Variants in OGG1 observed in about 807,000 individuals in gnomAD.
OGG1 encodes the protein 8-oxoguanine DNA glycosylase, also known as N-glycosylase/DNA lyase.
Under a neutral mutation model 42.3 loss-of-function variants are expected in OGG1, and 35 were observed. The observed-to-expected ratio is 0.83, with a 90% CI of 0.63 to 1.10. The LOEUF (loss-of-function observed/expected upper bound fraction) is 1.10. Among genes scored for constraint, OGG1 ranks in the 50% least tolerant of loss-of-function variants. The probability of loss-of-function intolerance (pLI) is 0.00; values close to 1 mark genes in which losing one functional copy is unlikely to be tolerated. For missense variants in OGG1, 484 were observed against 446.7 expected (o/e 1.08, Z -0.75); for synonymous variants, 189 against 179.0 (o/e 1.06, Z -0.44).
At chr3:9,767,683 G>T (rs771056998), downstream of OGG1, 11 of 1,613,964 alleles carry the variant, frequency 6.8e-6, no homozygotes, top group African/African-American at 1.3e-4. Context: ...AGAACATCTC[G>T]GAAGTCGTAG....
Position 9,756,756 on chromosome 3 carries a change from T to C in OGG1, c.899-11T>C, listed in dbSNP as rs2077583409. On this transcript the variant is annotated splice_polypyrimidine_tract_variant and intron_variant, in intron 5 of 6. Coordinates refer to ENST00000344629, the MANE Select transcript of OGG1 (RefSeq NM_002542.6). ...GGGTCAGATAACTTAGTCTCATCACTTCTGATTTAGGAAACTTTTTCCGGA... is the reference window on the plus strand; with the variant it reads ...GGGTCAGATAACTTAGTCTCATCACCTCTGATTTAGGAAACTTTTTCCGGA... 6.2e-7 allele frequency: 1 copy of C among 1,614,156 alleles called. No individual in the cohort carries two copies. Among genetic ancestry groups the C allele is most frequent in the East Asian group, 2.2e-5 (1 of 44,886 alleles).
intron 3 of OGG1, chr3:9,787,497 C>CGAAAAAAAAA: frequency 1.8e-6 from 2 of 1,130,298 alleles, no homozygotes; most frequent in African/African-American, 3.1e-5. Context: ...GAAGATAAAA[C>CGAAAAAAAAA]CTGTACTTCA....
chr3:9,754,807 C>A lies in OGG1; in HGVS notation c.669C>A (p.Ala223=). ...RAILEEQGGL[A]WLQQLRESSY... is the part of the protein sequence containing the mutation. ...TCCTGGAAGAACAGGGCGGGCTAGC[C>A]TGGCTGCAGCAGCTACGAGAGTCCT... The change falls in exon 4 of 7, where the codon GCC becomes GCA. Residue 223 remains alanine, a synonymous_variant. Coordinates refer to ENST00000344629, the MANE Select transcript of OGG1 (RefSeq NM_002542.6). The A allele has an allele frequency of 6.2e-7, 1 of 1,613,334 alleles. No homozygotes were observed. The highest frequency in any genetic ancestry group is 1.7e-4 in the Middle Eastern group (1 of 6,060).
intron 2 of OGG1, among the ~76,000 whole-genome samples, chr3:9,779,220 T>TCTGA (rs1463670995): frequency 6.6e-6 from 1 of 152,150 alleles, no homozygotes; most frequent in Non-Finnish European, 1.5e-5. Flanking sequence ...CAAACTCCAC[T>TCTGA]CTGACTGGCA....
At chr3:9,778,543 C>G (rs1575286136) in intron 2 of OGG1, among the ~76,000 whole-genome samples, 1 of 152,332 alleles carries the variant, frequency 6.6e-6, no homozygotes, top group East Asian at 1.9e-4. Flanking sequence ...CAGCACTTCT[C>G]CATCTCCTGG....
At chr3:9,768,634 G>C (rs1480602568), downstream of OGG1, among the ~76,000 whole-genome samples, 1 of 152,220 alleles carries the variant, frequency 6.6e-6, no homozygotes, top group Non-Finnish European at 1.5e-5. Context: ...AATGGCCTTG[G>C]CTGGTACTTC....
chr3:9,764,628 G>GTTTTTTTTTTTTT, intron 7 of OGG1, among the ~76,000 whole-genome samples: 1 of 92,336 alleles, frequency 1.1e-5, no homozygotes, highest in African/African-American at 4.3e-5. Flanking sequence ...TTTTTTTTTT[G>GTTTTTTTTTTTTT]TTTTTTTTTT....
intron 4 of OGG1, 134 bp downstream of exon 4, chr3:9,755,019 T>C: frequency 1.4e-6 from 1 of 730,994 alleles, no homozygotes; most frequent in Non-Finnish European, 2.4e-6. Context: ...TATAAGTAGA[T>C]GTTTTATGAG....
In OGG1 at chr3:9,750,440, G is replaced by A. The variant is rs2077245893; in HGVS notation, c.137+17G>A. On this transcript the variant is annotated intron_variant, in intron 1 of 6. Transcript: ENST00000344629. ...ATCTTTCCGGTGAGTGACTGAGCCT[G>A]AGAAGCCTGTCCCCTCGGACTGGCT... is the stretch of plus-strand genomic sequence containing the variant. 1 of 1,613,412 alleles carries A rather than the reference G, an allele frequency of 6.2e-7. No homozygotes were observed. The highest frequency in any genetic ancestry group is 8.5e-7 in the Non-Finnish European group (1 of 1,180,002).
At position 9,763,246 on chromosome 3, in the gene OGG1, A is replaced by G. The variant is rs777432786; in HGVS notation, c.1049-2563A>G. ...GAGAAATGAGGTGGTTTAGCCAGGC[A>G]TGGCGGTGTGCACCTGTAGTCCAAG... On this transcript the variant is annotated intron_variant, in intron 7 of 7. Coordinates refer to the OGG1 transcript ENST00000302008. 4.3e-6 allele frequency: 7 copies of G among 1,613,250 alleles called. No individual in the cohort carries two copies. The South Asian group carries it at 7.7e-5, about 18-fold the overall frequency.
downstream of OGG1, chr3:9,758,421 C>T (rs1282113334): frequency 6.5e-6 from 1 of 154,548 alleles, no homozygotes; most frequent in African/African-American, 2.4e-5. Flanking sequence ...CTTGGGCCAG[C>T]CCTTGACATC....
chr3:9,781,507 T>C (rs987482611), intron 2 of OGG1: 8 of 456,282 alleles, frequency 1.8e-5, no homozygotes, highest in African/African-American at 4.0e-5. Context: ...AACACTGTTG[T>C]TTCAGGTGTT....
At chr3:9,761,787 A>G (rs769181183), downstream of OGG1, 2 of 1,613,084 alleles carry the variant, frequency 1.2e-6, no homozygotes, top group Admixed American at 3.3e-5. Context: ...GAGAAGGGGC[A>G]ATCAGAGATG....
downstream of OGG1, chr3:9,767,604 G>T: frequency 6.2e-7 from 1 of 1,602,948 alleles, no homozygotes; most frequent in Non-Finnish European, 8.5e-7. Flanking sequence ...TTGACCAGAG[G>T]AAGCCCCACC....
downstream of OGG1, chr3:9,759,534 G>A (rs776833307): frequency 8.1e-6 from 13 of 1,614,102 alleles, no homozygotes; most frequent in African/African-American, 1.3e-5. Context: ...CTCACTCACC[G>A]ACTGGTGGAT....
intron 3 of OGG1, chr3:9,784,224 A>G: frequency 2.5e-6 from 4 of 1,597,102 alleles, no homozygotes; most frequent in Non-Finnish European, 2.6e-6. Context: ...CTGCAGCGGG[A>G]GGCAGGCCCG....
chr3:9,759,319 T>G, downstream of OGG1: 5 of 1,574,682 alleles, frequency 3.2e-6, no homozygotes, highest in Non-Finnish European at 4.4e-6. Context: ...GAGAAGGTGT[T>G]GGGAGTGTTT....
rs1432206877 is a variant in OGG1 at position 9,757,025 on chromosome 3, T to TAAAG, written c.949-35_949-34insAAGA. The TAAAG allele has an allele frequency of 6.2e-7, 1 of 1,613,676 alleles. No homozygotes were observed. The highest frequency in any genetic ancestry group is 2.2e-5 in the East Asian group (1 of 44,894). On this transcript the variant is annotated intron_variant, in intron 6 of 6. Transcript: ENST00000344629. This position sits in a 1 kb window ranked among gnomAD's most constrained non-coding sequence, Gnocchi z 4.5. Reference sequence around the variant, plus strand: ...AGTCTCACCAGCCCTGACCCCAGTGTACCCTCCTCCCCACACAGACTCCAC... The same window carrying TAAAG: ...AGTCTCACCAGCCCTGACCCCAGTGTAAAGACCCTCCTCCCCACACAGACTCCAC...
downstream of OGG1, chr3:9,760,876 C>T: frequency 6.6e-7 from 1 of 1,512,274 alleles, no homozygotes; most frequent in Non-Finnish European, 9.0e-7. Context: ...GAAGGAGTTC[C>T]CCCTTTATAA....
Sources: gnomAD v4.1 joint callset for allele counts (sites outside exome capture counted in the v4.1 genomes callset) on GRCh38, gnomAD v4.1.1 for gene constraint, Gnocchi (gnomAD v3.1) non-coding constraint, MANE v1.5 for transcripts, NCBI Gene and HGNC (gene_info 2026-07-23, HGNC 2026-07-21) for gene names.